KCNH8: variants seen among roughly 807,000 people sequenced by gnomAD.
The protein encoded by KCNH8 is potassium voltage-gated channel subfamily H member 8.
In KCNH8, 70 loss-of-function variants were observed where a neutral mutation model predicts 103.6. The ratio of observed to expected loss-of-function variants is 0.68; its 90% confidence interval spans 0.56 to 0.82. KCNH8 has a LOEUF of 0.82. Among genes scored for constraint, KCNH8 ranks in the 40% least tolerant of loss-of-function variants. The pLI, the probability that KCNH8 is intolerant of heterozygous loss-of-function variation, is 0.00. For missense variants in KCNH8, 1,217 were observed against 1,329.9 expected (o/e 0.92, Z 1.32); for synonymous variants, 498 against 489.4 (o/e 1.02, Z -0.23).
At chr3:19,357,003 A>T (rs986112625) in intron 5 of KCNH8, among the ~76,000 whole-genome samples, 4 of 151,948 alleles carry the variant, frequency 2.6e-5, no homozygotes, top group African/African-American at 7.2e-5. Context: ...TTACTGAAAA[A>T]TTTAAAAAAA....
chr3:19,197,730 A>G (rs1399179456), intron 1 of KCNH8, among the ~76,000 whole-genome samples: 4 of 152,068 alleles, frequency 2.6e-5, no homozygotes, highest in East Asian at 1.9e-4. Flanking sequence ...TTGGAATTAC[A>G]TAAGTTAATA....
chr3:19,286,010 G>T (rs778262212), intron 3 of KCNH8, among the ~76,000 whole-genome samples: 2 of 152,198 alleles, frequency 1.3e-5, no homozygotes, highest in African/African-American at 4.8e-5. Flanking sequence ...TGAAAGGAAA[G>T]AATGTTAATT....
At chr3:19,340,346 T>A (rs1402441304) in intron 3 of KCNH8, among the ~76,000 whole-genome samples, 4 of 48,014 alleles carry the variant, frequency 8.3e-5, no homozygotes, top group African/African-American at 3.6e-4. Flanking sequence ...ATTTTTTTTA[T>A]TTTTTTTTTA....
chr3:19,360,341 A>C (rs1002563567), intron 5 of KCNH8, among the ~76,000 whole-genome samples: 4 of 152,082 alleles, frequency 2.6e-5, no homozygotes, highest in African/African-American at 9.7e-5. Context: ...TATAATGAAA[A>C]ACTACACAGT....
chr3:19,476,158 C>G (rs970758147), intron 11 of KCNH8, among the ~76,000 whole-genome samples: 3 of 152,160 alleles, frequency 2.0e-5, no homozygotes, highest in African/African-American at 7.2e-5. Context: ...TCATGACCCT[C>G]TATTAGCCCT....
In KCNH8 at chr3:19,233,689, G is replaced by A. The variant is rs113931857; in HGVS notation, c.77-19965G>A. Among the ~76,000 whole-genome samples the A allele has an allele frequency of 1.0e-3, 157 of 152,250 alleles. 1 individual carries two copies. Among genetic ancestry groups the A allele is most frequent in the African/African-American group, 3.1e-3 (130 of 41,548 alleles). ...TGTGTGGATTTTCTCTGGGTACTCT[G>A]GTTTCCTCTCACGTGTCAAAGATGT... is the stretch of plus-strand genomic sequence containing the variant. On this transcript the variant is annotated intron_variant, in intron 1 of 15. Transcript: ENST00000328405.
chr3:19,472,270 T>C (rs1479232006), intron 11 of KCNH8, among the ~76,000 whole-genome samples: 1 of 150,052 alleles, frequency 6.7e-6, no homozygotes, highest in East Asian at 2.0e-4. Context: ...AATAACAGAA[T>C]GTTAGAACAC....
intron 2 of KCNH8, among the ~76,000 whole-genome samples, chr3:19,277,433 G>A (rs1200905282): frequency 7.2e-5 from 11 of 152,032 alleles, no homozygotes; most frequent in Admixed American, 5.2e-4. Flanking sequence ...GCGTGGTGGT[G>A]CACGTCTGTA....
At chr3:19,419,188 G>GTTTTT (rs1299734245) in intron 7 of KCNH8, among the ~76,000 whole-genome samples, 2,057 of 75,718 alleles carry the variant, frequency 0.027, 243 homozygotes, top group African/African-American at 0.06. Flanking sequence ...TAATTAAAAT[G>GTTTTT]GTTTTGGTTT....
At chr3:19,162,930 G>C (rs889493369) in intron 1 of KCNH8, among the ~76,000 whole-genome samples, 2 of 151,984 alleles carry the variant, frequency 1.3e-5, no homozygotes, top group East Asian at 3.9e-4. Context: ...AAAATATCCT[G>C]TATATAGCAA....
chr3:19,499,858 A>G (rs980899077), intron 11 of KCNH8, among the ~76,000 whole-genome samples: 6 of 152,220 alleles, frequency 3.9e-5, no homozygotes, highest in Non-Finnish European at 8.8e-5. Context: ...AAGACCATCA[A>G]GACTAGGAAG....
At chr3:19,394,146 C>T (rs927364366) in intron 6 of KCNH8, among the ~76,000 whole-genome samples, 1 of 151,962 alleles carries the variant, frequency 6.6e-6, no homozygotes, top group African/African-American at 2.4e-5. Context: ...TCCTTCTCTA[C>T]TTGTGCTTTC....
chr3:19,182,330 C>T (rs1056865587), intron 1 of KCNH8, among the ~76,000 whole-genome samples: 4 of 152,078 alleles, frequency 2.6e-5, no homozygotes, highest in African/African-American at 9.7e-5. Flanking sequence ...AGATTGAGAC[C>T]ATCCTGGCTA....
intron 5 of KCNH8, among the ~76,000 whole-genome samples, chr3:19,383,708 A>G (rs2066318414): frequency 6.6e-6 from 1 of 152,180 alleles, no homozygotes; most frequent in Non-Finnish European, 1.5e-5. Context: ...TAACTTGAAT[A>G]ATTAATATTT....
At chr3:19,489,329 G>A (rs540319685) in intron 11 of KCNH8, among the ~76,000 whole-genome samples, 4 of 152,122 alleles carry the variant, frequency 2.6e-5, no homozygotes, top group African/African-American at 4.8e-5. Context: ...TGGGTGGAGC[G>A]AGAACCTTCC....
chr3:19,476,773 C>T (rs1426371771), intron 11 of KCNH8, among the ~76,000 whole-genome samples: 1 of 151,962 alleles, frequency 6.6e-6, no homozygotes, highest in Non-Finnish European at 1.5e-5. Context: ...ATGATATGAG[C>T]CACGTATTAG....
At chr3:19,241,751 CAT>C (rs942441767) in intron 1 of KCNH8, among the ~76,000 whole-genome samples, 9 of 151,470 alleles carry the variant, frequency 5.9e-5, no homozygotes, top group Admixed American at 3.9e-4. Flanking sequence ...CACACACACA[CAT>C]GCTTGATAGA....
intron 7 of KCNH8, among the ~76,000 whole-genome samples, chr3:19,404,386 T>C (rs949636153): frequency 2.6e-5 from 4 of 151,982 alleles, no homozygotes; most frequent in Non-Finnish European, 5.9e-5. Context: ...ACCTAGATTT[T>C]AGAAGAGTGG....
chr3:19,381,780 A>T (rs1405082057), intron 5 of KCNH8, among the ~76,000 whole-genome samples: 4 of 152,204 alleles, frequency 2.6e-5, no homozygotes, highest in African/African-American at 9.6e-5. Context: ...TGCATATAAG[A>T]AAGTGAATTC....
Sources: allele counts gnomAD v4.1 joint callset (sites outside exome capture counted in the v4.1 genomes callset), GRCh38; gene constraint gnomAD v4.1.1; transcripts MANE v1.5; gene names NCBI Gene and HGNC (gene_info 2026-07-23, HGNC 2026-07-21).